TBC1D8B: variants seen among roughly 807,000 people sequenced by gnomAD.
TBC1D8B encodes RP11-321G1.1.
Under a neutral mutation model 82.9 loss-of-function variants are expected in TBC1D8B, and 75 were observed. The observed-to-expected ratio is 0.90, with a 90% CI of 0.75 to 1.10. The LOEUF (loss-of-function observed/expected upper bound fraction) is 1.10, where lower values mean the gene tolerates loss of function less well. Ranked by LOEUF, TBC1D8B falls within the 50% of genes least tolerant of loss-of-function variation. The pLI is 0.00. For synonymous variants in TBC1D8B, 276 were observed against 276.8 expected (o/e 1.00, Z 0.03); for missense variants, 794 against 796.9 (o/e 1.00, Z 0.04).
chrX:106,830,940 TATA>T (rs35587115), intron 7 of TBC1D8B, among the ~76,000 whole-genome samples: 1 of 104,184 alleles, frequency 9.6e-6, no homozygotes, highest in Non-Finnish European at 1.9e-5. Context: ...AAACTTAAAG[TATA>T]ATAATAATAA....
At chrX:106,844,259 A>G (rs1362098073) in intron 10 of TBC1D8B, among the ~76,000 whole-genome samples, 2 of 109,647 alleles carry the variant, frequency 1.8e-5, no homozygotes, top group Admixed American at 9.9e-5. Flanking sequence ...TAGAAGTGGT[A>G]AGAATGCATG....
At chrX:106,834,759 C>T (rs746483895) in intron 7 of TBC1D8B, among the ~76,000 whole-genome samples, 3 of 112,017 alleles carry the variant, frequency 2.7e-5, no homozygotes, top group South Asian at 3.7e-4. Flanking sequence ...TGAAATCCAG[C>T]GGGGCAGCCA....
chrX:106,804,627 G>C (rs113882200), intron 1 of TBC1D8B, among the ~76,000 whole-genome samples: 3,002 of 111,642 alleles, frequency 0.027, 96 homozygotes, highest in African/African-American at 0.093. Flanking sequence ...TTCAGGCCGG[G>C]CACGGTGGTT....
intron 14 of TBC1D8B, among the ~76,000 whole-genome samples, chrX:106,862,790 T>G (rs762188171): frequency 2.6e-3 from 248 of 96,642 alleles, no homozygotes; most frequent in East Asian, 9.2e-3. Context: ...TTTTTTTTTT[T>G]TTTTTTTTTT....
chrX:106,806,148 A>T (rs188533517), intron 1 of TBC1D8B, among the ~76,000 whole-genome samples: 1 of 111,999 alleles, frequency 8.9e-6, no homozygotes, highest in Non-Finnish European at 1.9e-5. Flanking sequence ...ACAAGAGATG[A>T]GTTTGTAAGT....
At chrX:106,862,968 G>C (rs1007639881) in intron 14 of TBC1D8B, among the ~76,000 whole-genome samples, 2 of 108,782 alleles carry the variant, frequency 1.8e-5, no homozygotes, top group African/African-American at 6.7e-5. Flanking sequence ...CTGGGCCCTC[G>C]GGGCTAGGAA....
Position 106,821,970 on chromosome X carries a change from C to T in TBC1D8B, c.361-7C>T, listed in dbSNP as rs764936804. On this transcript the variant is annotated splice_polypyrimidine_tract_variant and splice_region_variant and intron_variant, in intron 3 of 20. Coordinates refer to ENST00000357242, the MANE Select transcript of TBC1D8B (RefSeq NM_017752.3). ...TGAATTTTCAGAAAATATTTTGTCT[C>T]CTTTAGGGATTAATTGCTGAAGAGG... 49 of 1,197,803 alleles carry T rather than the reference C, an allele frequency of 4.1e-5. No individual in the cohort carries two copies. In the South Asian group the frequency reaches 7.5e-4, roughly 18 times the overall value.
rs189427510 is a variant in TBC1D8B at position 106,864,893 on chromosome X, A to G, written c.2353-666A>G. On this transcript the variant is annotated intron_variant, in intron 14 of 20. Transcript: ENST00000357242. ...ATGATAGTCATTTGTGATTTCTTTC[A>G]TCTCACTTGCCAGAAATGTGTCTAT... Among the ~76,000 whole-genome samples the G allele has an allele frequency of 2.6e-3, 287 of 111,815 alleles. 3 individuals carry two copies. Among genetic ancestry groups the G allele is most frequent in the African/African-American group, 8.8e-3 (270 of 30,809 alleles).
intron 1 of TBC1D8B, among the ~76,000 whole-genome samples, chrX:106,807,408 T>C (rs899338555): frequency 9.1e-6 from 1 of 110,044 alleles, no homozygotes; most frequent in Non-Finnish European, 1.9e-5. Flanking sequence ...AAGAGCAACT[T>C]TGTAGGAGGT....
chrX:106,822,801 G>A lies in TBC1D8B; in HGVS notation c.587-425G>A, dbSNP rs190971295. ...TCACTTGAGCCCAGGAGTTCAAGAC[G>A]AACCTGAGCAATATAGTGAGACTCT... On this transcript the variant is annotated intron_variant, in intron 4 of 20. Coordinates refer to ENST00000357242, the MANE Select transcript of TBC1D8B (RefSeq NM_017752.3). 6.7e-3 allele frequency among the ~76,000 whole-genome samples: 659 copies of A among 97,815 alleles called. 7 individuals are homozygous for A. The highest frequency in any genetic ancestry group is 0.024 in the African/African-American group (627 of 26,511). The allele number at this position is 97,815 out of a possible 115,157, so 84.9% of individuals were successfully genotyped here.
At chrX:106,864,386 T>G (rs1932799344) in intron 14 of TBC1D8B, among the ~76,000 whole-genome samples, 1 of 110,330 alleles carries the variant, frequency 9.1e-6, no homozygotes, top group Non-Finnish European at 1.9e-5. Context: ...TGGTTCCCAG[T>G]GTGGTTTCTT....
chrX:106,840,128 A>G lies in TBC1D8B; in HGVS notation c.1434A>G (p.Lys478=). The G allele has an allele frequency of 8.3e-7, 1 of 1,210,445 alleles. No homozygotes were observed. The change falls in exon 9 of 21, where the codon AAA becomes AAG. Residue 478 remains lysine (K), a synonymous_variant. Coordinates refer to ENST00000357242, the MANE Select transcript of TBC1D8B (RefSeq NM_017752.3). ...CGRGVSMFRT[K]KTRDLVVRGI... ...GTGGTGTTAGTATGTTTCGAACCAA[A>G]AAGACTCGAGATCTTGTTGTAAGAG...
intron 20 of TBC1D8B, among the ~76,000 whole-genome samples, chrX:106,872,540 CTAA>C: frequency 1.9e-5 from 2 of 103,116 alleles, no homozygotes; most frequent in Admixed American, 2.1e-4. Context: ...GCCTATGATT[CTAA>C]TGTCAGTGAC....
intron 1 of TBC1D8B, among the ~76,000 whole-genome samples, chrX:106,817,185 A>G (rs1239723336): frequency 9.0e-6 from 1 of 111,594 alleles, no homozygotes; most frequent in Non-Finnish European, 1.9e-5. Flanking sequence ...AAATCAACAA[A>G]CTATATCCTT....
chrX:106,864,447 C>T (rs1382394379), intron 14 of TBC1D8B, among the ~76,000 whole-genome samples: 2 of 108,588 alleles, frequency 1.8e-5, no homozygotes, highest in Admixed American at 9.9e-5. Flanking sequence ...GTTTCCCCTC[C>T]ATAAGAGAGC....
Position 106,802,892 on chromosome X carries a change from G to T in TBC1D8B, c.39G>T (p.Ala13=). The change falls in exon 1 of 21, where the codon GCG becomes GCT. Residue 13 remains alanine (A), a synonymous_variant. Transcript: ENST00000357242. ...CTGAGGAAGTGCTTCTGAAAAATGC[G>T]CTGAAGCTGTGGCTGATGGAAAGGT... is the stretch of plus-strand genomic sequence containing the variant. ...LKPEEVLLKN[A]LKLWLMERSN... The T allele has an allele frequency of 3.3e-6, 4 of 1,211,439 alleles. No homozygotes were observed. The highest frequency in any genetic ancestry group is 1.7e-5 in the African/African-American group (1 of 57,735).
At chrX:106,849,959 G>A in intron 11 of TBC1D8B, 66 bp from the exon 12 acceptor site, 1 of 1,118,243 alleles carries the variant, frequency 8.9e-7, no homozygotes, top group East Asian at 3.1e-5. Flanking sequence ...TAATAGAAGT[G>A]GGGAGGTATG....
chrX:106,843,303 C>T (rs914537718), intron 10 of TBC1D8B, among the ~76,000 whole-genome samples: 1 of 111,821 alleles, frequency 8.9e-6, no homozygotes, highest in African/African-American at 3.2e-5. Context: ...TTTATATTCC[C>T]TCCAGCAATG....
intron 7 of TBC1D8B, among the ~76,000 whole-genome samples, chrX:106,830,286 C>G (rs2147741715): frequency 9.0e-6 from 1 of 111,474 alleles, no homozygotes; most frequent in East Asian, 2.8e-4. Context: ...ATTAAAAAGT[C>G]AGGAAACAGC....
Sources: gnomAD v4.1 joint callset for allele counts (sites outside exome capture counted in the v4.1 genomes callset) on GRCh38, gnomAD v4.1.1 for gene constraint, MANE v1.5 for transcripts, NCBI Gene and HGNC (gene_info 2026-07-23, HGNC 2026-07-21) for gene names.